Variants in COL6A5 observed in about 807,000 individuals in gnomAD.
The protein encoded by COL6A5 is collagen type VI alpha 5 chain.
COL6A5 carries 48 observed loss-of-function variants against 65.6 expected under a neutral mutation model. The ratio of observed to expected loss-of-function variants is 0.73; its 90% CI spans 0.58 to 0.93. The LOEUF (loss-of-function observed/expected upper bound fraction) is 0.93. COL6A5 is among the 40% of genes least tolerant of loss of function. The pLI is 0.00. For synonymous variants in COL6A5, 291 were observed against 322.8 expected (o/e 0.90, Z 1.05); for missense variants, 914 against 928.3 (o/e 0.98, Z 0.20).
At chr3:130,373,381 GA>G (rs1185510893) in intron 1 of COL6A5, among the ~76,000 whole-genome samples, 1 of 152,148 alleles carries the variant, frequency 6.6e-6, no homozygotes, top group African/African-American at 2.4e-5. Flanking sequence ...TAAATTAGAT[GA>G]CACTTGTCAA....
chr3:130,428,241 G>A (rs1417092047), upstream of COL6A5, among the ~76,000 whole-genome samples: 1 of 152,162 alleles, frequency 6.6e-6, no homozygotes, highest in Non-Finnish European at 1.5e-5. Context: ...GCAGACTGGA[G>A]ATTAAGATGC....
chr3:130,425,867 A>G lies in COL6A5; in HGVS notation c.5164-347A>G, dbSNP rs77968332. On this transcript the variant is annotated intron_variant and NMD_transcript_variant, in intron 29 of 41. Transcript: ENST00000312481. ...GCCCTTTGAAAAGTCTGCTGTTTAT[A>G]ATTTTAAGCATTCTTATGAGAAATA... Among the ~76,000 whole-genome samples the G allele has an allele frequency of 9.3e-3, 1,422 of 152,288 alleles. 24 individuals carry two copies. The highest frequency in any genetic ancestry group is 0.031 in the African/African-American group (1,282 of 41,570).
At chr3:130,452,265 C>T (rs1709461096) in intron 4 of COL6A5, among the ~76,000 whole-genome samples, 1 of 152,104 alleles carries the variant, frequency 6.6e-6, no homozygotes, top group African/African-American at 2.4e-5. Flanking sequence ...CGGGTTCCCT[C>T]ATGCACTTAG....
chr3:130,472,129 A>G (rs1203745165), intron 7 of COL6A5, among the ~76,000 whole-genome samples: 1 of 152,046 alleles, frequency 6.6e-6, no homozygotes, highest in African/African-American at 2.4e-5. Context: ...TTCGAATTAC[A>G]AGCAGGTATA....
chr3:130,461,175 C>G (rs1306095588), intron 5 of COL6A5, among the ~76,000 whole-genome samples: 5 of 152,046 alleles, frequency 3.3e-5, no homozygotes, highest in Admixed American at 3.3e-4. Context: ...CTTCAAGAAG[C>G]TTTTCGTCTG....
intron 7 of COL6A5, among the ~76,000 whole-genome samples, chr3:130,393,813 C>T (rs1559876319): frequency 6.6e-6 from 1 of 152,222 alleles, no homozygotes; most frequent in African/African-American, 2.4e-5. Context: ...TCCCTTCCCA[C>T]TTAGTGCCTG....
At position 130,398,121 on chromosome 3, in the gene COL6A5, TGTTGTTG is replaced by T; in HGVS notation, c.3991+11_3991+17del. On this transcript the variant is annotated intron_variant and NMD_transcript_variant, in intron 10 of 41. Transcript: ENST00000312481. ...AGGCTCAGAGAAGCAGGTATTGAGT[TGTTGTTG>T]TTTTTTTTTTTTTTTTTTTTGAGAT... is the stretch of plus-strand genomic sequence containing the variant. 1 of 1,441,918 alleles carries T rather than the reference TGTTGTTG, an allele frequency of 6.9e-7. No homozygotes were observed. The highest frequency in any genetic ancestry group is 1.5e-5 in the African/African-American group (1 of 64,548). 89.3% of individuals were successfully genotyped at this position (1,441,918 alleles called of 1,614,324 possible).
At chr3:130,434,720 C>A (rs908905159) in intron 1 of COL6A5, among the ~76,000 whole-genome samples, 5 of 152,172 alleles carry the variant, frequency 3.3e-5, no homozygotes, top group African/African-American at 9.7e-5. Context: ...TGTTTCTTAG[C>A]CACATAAATG....
intron 1 of COL6A5, among the ~76,000 whole-genome samples, chr3:130,365,070 T>G (rs1199186438): frequency 6.6e-6 from 1 of 152,174 alleles, no homozygotes; most frequent in Non-Finnish European, 1.5e-5. Flanking sequence ...TCTCTCTGAC[T>G]TTGATGGTGT....
intron 13 of COL6A5, 59 bp downstream of exon 13, chr3:130,403,721 AC>A: frequency 2.6e-6 from 3 of 1,164,356 alleles, no homozygotes; most frequent in Non-Finnish European, 3.6e-6. Flanking sequence ...ACACACACAC[AC>A]ACACACAAAC....
At chr3:130,448,770 C>A (rs941716598) in intron 4 of COL6A5, among the ~76,000 whole-genome samples, 2 of 152,148 alleles carry the variant, frequency 1.3e-5, no homozygotes, top group East Asian at 1.9e-4. Context: ...ATTTAGCATT[C>A]CCTGAGGAAG....
rs561753927 is a variant in COL6A5 at position 130,475,794 on chromosome 3, A to G, written c.2328+4827A>G. Among the ~76,000 whole-genome samples the G allele has an allele frequency of 5.9e-5, 9 of 152,256 alleles. No individual in the cohort carries two copies. The East Asian group carries it at 1.4e-3, about 23-fold the overall frequency. ...GGTGAGCACCAGACACAGCTTGCTC[A>G]TGTGAATAGCTGTACTGTCTGTGAG... On this transcript the variant is annotated intron_variant, in intron 7 of 7. Coordinates refer to ENST00000512836, the Ensembl canonical transcript of COL6A5.
intron 26 of COL6A5, 59 bp downstream of exon 26, chr3:130,421,262 A>G (rs1468543018): frequency 6.5e-7 from 1 of 1,547,326 alleles, no homozygotes; most frequent in Non-Finnish European, 8.7e-7. Flanking sequence ...TAATACAAGA[A>G]GAAATGTTCA....
At chr3:130,370,866 A>G (rs1935528003) in intron 1 of COL6A5, among the ~76,000 whole-genome samples, 1 of 152,186 alleles carries the variant, frequency 6.6e-6, no homozygotes, top group Non-Finnish European at 1.5e-5. Context: ...CAAAGTGGGA[A>G]TTTGAGCTGA....
intron 12 of COL6A5, among the ~76,000 whole-genome samples, chr3:130,403,145 A>C (rs998883191): frequency 1.3e-5 from 2 of 152,242 alleles, no homozygotes; most frequent in African/African-American, 4.8e-5. Flanking sequence ...GTTAAACCAC[A>C]TGTGGCTAAG....
At chr3:130,398,245 C>T in intron 10 of COL6A5, 134 bp downstream of exon 10, 1 of 643,228 alleles carries the variant, frequency 1.6e-6, no homozygotes, top group Admixed American at 2.9e-5. Context: ...ATTCTCCTGC[C>T]TCAACCTCCT....
At chr3:130,455,560 A>G (rs779190534) in exon 5 of COL6A5, 2 of 1,612,930 alleles carry the variant, frequency 1.2e-6, no homozygotes, top group South Asian at 1.1e-5. Context: ...AAGACAATGG[A>G]AGTGACTATT....
chr3:130,394,846 G>A (rs77326485), intron 7 of COL6A5, 44 bp from the exon 8 acceptor site: 81 of 1,456,870 alleles, frequency 5.6e-5, no homozygotes, highest in East Asian at 4.2e-4. Flanking sequence ...GAAAAATTTC[G>A]AATGATTCAT....
At chr3:130,451,627 G>C (rs1333356510) in intron 4 of COL6A5, among the ~76,000 whole-genome samples, 1 of 151,806 alleles carries the variant, frequency 6.6e-6, no homozygotes, top group Non-Finnish European at 1.5e-5. Flanking sequence ...ATCCTGGGCT[G>C]TGTGAGTCGG....
Sources: allele counts gnomAD v4.1 joint callset (sites outside exome capture counted in the v4.1 genomes callset), GRCh38; gene constraint gnomAD v4.1.1; transcripts MANE v1.5; gene names NCBI Gene and HGNC (gene_info 2026-07-23, HGNC 2026-07-21).